Variants in CGGBP1 observed in about 807,000 individuals in gnomAD.
The protein encoded by CGGBP1 is CGG triplet repeat binding protein 1, also known as CGG triplet repeat-binding protein 1.
In CGGBP1, 4 loss-of-function variants were observed where a neutral mutation model predicts 11.4. That is an observed-to-expected ratio of 0.35 (90% CI 0.17 to 0.80). CGGBP1 has a LOEUF of 0.80. Ranked by LOEUF, CGGBP1 falls within the 30% of genes least tolerant of loss-of-function variation. The pLI, the probability that CGGBP1 is intolerant of heterozygous loss-of-function variation, is 0.52. For missense variants in CGGBP1, 135 were observed against 202.1 expected, an observed-to-expected ratio of 0.67 and a Z score of 2.01; for synonymous variants, 76 against 74.1, an observed-to-expected ratio of 1.03 and a Z score of -0.13.
intron 1 of CGGBP1, among the ~76,000 whole-genome samples, chr3:88,148,838 T>C (rs9854138): frequency 0.78 from 119,087 of 152,000 alleles, 47,568 homozygotes; most frequent in South Asian, 0.91. Context: ...ACGGGGCTTC[T>C]TTATGTTGGC....
At chr3:88,062,468 C>G (rs73844847), upstream of CGGBP1, among the ~76,000 whole-genome samples, 461 of 152,276 alleles carry the variant, frequency 3.0e-3, 3 homozygotes, top group African/African-American at 0.011. Flanking sequence ...TTAGAAAGTA[C>G]TCTTTCATTA....
intron 2 of CGGBP1, chr3:88,139,277 C>T: frequency 1.3e-6 from 2 of 1,556,424 alleles, no homozygotes; most frequent in Non-Finnish European, 1.7e-6. Context: ...TCAGTACTTC[C>T]AAAGTAGATC....
chr3:88,139,292 T>C, intron 2 of CGGBP1: 13 of 1,568,298 alleles, frequency 8.3e-6, no homozygotes, highest in Non-Finnish European at 1.0e-5. Context: ...TAGATCACAA[T>C]GTCCCAAGGC....
intron 2 of CGGBP1, among the ~76,000 whole-genome samples, chr3:88,097,591 T>G (rs6786788): frequency 0.78 from 119,071 of 151,872 alleles, 47,603 homozygotes; most frequent in South Asian, 0.91. Context: ...AGTAAAACAC[T>G]CCTCAGCAAA....
chr3:88,111,575 T>A (rs1705091252), intron 2 of CGGBP1, among the ~76,000 whole-genome samples: 1 of 152,058 alleles, frequency 6.6e-6, no homozygotes, highest in Non-Finnish European at 1.5e-5. Flanking sequence ...TATGGATATA[T>A]TTAATTTACC....
At chr3:88,113,399 T>C (rs1386391128) in intron 2 of CGGBP1, among the ~76,000 whole-genome samples, 4 of 152,286 alleles carry the variant, frequency 2.6e-5, no homozygotes, top group Admixed American at 2.6e-4. Flanking sequence ...AGTTCATAGC[T>C]GGAATTCCTA....
At chr3:88,106,834 T>C (rs1704771433) in intron 2 of CGGBP1, among the ~76,000 whole-genome samples, 1 of 152,226 alleles carries the variant, frequency 6.6e-6, no homozygotes, top group Admixed American at 6.5e-5. Context: ...TTGTCCTGTA[T>C]AATTTTTAAC....
intron 2 of CGGBP1, chr3:88,129,086 A>T: frequency 1.9e-6 from 2 of 1,076,726 alleles, no homozygotes; most frequent in Non-Finnish European, 2.6e-6. Flanking sequence ...AAAGTAGCCC[A>T]CTGTTGTTGT....
intron 1 of CGGBP1, chr3:88,141,714 A>C: frequency 7.6e-7 from 1 of 1,313,128 alleles, no homozygotes; most frequent in Non-Finnish European, 1.0e-6. Context: ...CTATAAGAAA[A>C]TGCATCATCA....
Position 88,139,584 on chromosome 3 carries a change from G to C in CGGBP1, c.-229+1386C>G, listed in dbSNP as rs560941393. On this transcript the variant is annotated intron_variant, in intron 2 of 3. Coordinates refer to the CGGBP1 transcript ENST00000462901. The stretch of plus-strand genomic sequence containing the variant: ...TGGGAATTCTGATAGTAAGGATTTG[G>C]AAGTGGAGACACTTACTGCTTCTAG... 1.0e-4 allele frequency: 161 copies of C among 1,613,720 alleles called. No homozygotes were observed. In the South Asian group the frequency reaches 1.7e-3, roughly 17 times the overall value.
chr3:88,069,477 G>A (rs944140405), intron 2 of CGGBP1, among the ~76,000 whole-genome samples: 1 of 152,142 alleles, frequency 6.6e-6, no homozygotes, highest in African/African-American at 2.4e-5. Context: ...CACTTGAATG[G>A]GATATGCTTA....
intron 1 of CGGBP1, among the ~76,000 whole-genome samples, chr3:88,148,391 C>T (rs1440481898): frequency 6.6e-6 from 1 of 152,264 alleles, no homozygotes; most frequent in African/African-American, 2.4e-5. Flanking sequence ...TGGTCCCATA[C>T]CAACATATTT....
chr3:88,130,617 A>ATTTTTTT (rs10674029), intron 2 of CGGBP1, among the ~76,000 whole-genome samples: 2 of 129,194 alleles, frequency 1.5e-5, no homozygotes, highest in African/African-American at 2.9e-5. Context: ...TGCCCAGCTA[A>ATTTTTTT]TTTTTTTTTT....
At chr3:88,105,286 CT>C (rs11334104) in intron 2 of CGGBP1, among the ~76,000 whole-genome samples, 119,141 of 152,036 alleles carry the variant, frequency 0.78, 47,601 homozygotes, top group South Asian at 0.91. Context: ...TTCCACCCTG[CT>C]TTTTTTTACT....
rs922308544 is a variant in CGGBP1, at chr3:88,054,392, C to T, written c.*1081G>A. On this transcript the variant is annotated 3_prime_UTR_variant, in exon 4 of 4. Transcript: ENST00000482016. ...AACAATTTCCTCACCCAAAGTTATG[C>T]AGGATACTGCCAGATCTCCAATACA... 1.6e-4 allele frequency: 25 copies of T among 152,244 alleles called. No individual in the cohort carries two copies. Among genetic ancestry groups the T allele is most frequent in the Admixed American group, 1.6e-3 (24 of 15,306 alleles). 9.4% of individuals were successfully genotyped at this position (152,244 alleles called of 1,614,324 possible).
chr3:88,086,071 A>G (rs963500319), intron 2 of CGGBP1, among the ~76,000 whole-genome samples: 6 of 152,224 alleles, frequency 3.9e-5, no homozygotes, highest in Non-Finnish European at 8.8e-5. Context: ...CTTTTCAAAG[A>G]TAATAATTGA....
chr3:88,061,991 C>G (rs1283881985), upstream of CGGBP1, among the ~76,000 whole-genome samples: 1 of 152,024 alleles, frequency 6.6e-6, no homozygotes, highest in East Asian at 1.9e-4. Context: ...GTTGTGTGGG[C>G]AAAGGGAGAG....
At chr3:88,139,361 G>A in intron 2 of CGGBP1, 1 of 1,613,218 alleles carries the variant, frequency 6.2e-7, no homozygotes, top group South Asian at 1.1e-5. Context: ...GGCATGCCCA[G>A]GCTCATCAGA....
intron 2 of CGGBP1, among the ~76,000 whole-genome samples, chr3:88,115,580 G>A (rs1705341154): frequency 6.6e-6 from 1 of 152,096 alleles, no homozygotes; most frequent in Non-Finnish European, 1.5e-5. Context: ...CAAGCTATTA[G>A]ATTTATTATT....
Sources: allele counts gnomAD v4.1 joint callset (sites outside exome capture counted in the v4.1 genomes callset), GRCh38; gene constraint gnomAD v4.1.1; transcripts MANE v1.5; gene names NCBI Gene and HGNC (gene_info 2026-07-23, HGNC 2026-07-21).